Variants in COL22A1 observed in about 807,000 individuals in gnomAD.
COL22A1 encodes collagen alpha-1(XXII) chain.
A neutral mutation model predicts 248.9 loss-of-function variants in COL22A1; 221 were observed. That is an observed-to-expected ratio of 0.89 (90% confidence interval 0.80 to 0.99). The LOEUF (loss-of-function observed/expected upper bound fraction) is 0.99. Ranked by LOEUF, COL22A1 falls within the 50% of genes least tolerant of loss-of-function variation. COL22A1 has a pLI of 0.00. For missense variants in COL22A1, 2,240 were observed against 2,179.0 expected, an observed-to-expected ratio of 1.03 and a Z score of -0.56; for synonymous variants, 891 against 793.4, an observed-to-expected ratio of 1.12 and a Z score of -2.07.
chr8:138,664,217 A>G (rs866883475), intron 41 of COL22A1, among the ~76,000 whole-genome samples: 22,900 of 105,982 alleles, frequency 0.22, 2,755 homozygotes, highest in Non-Finnish European at 0.31. Flanking sequence ...GCGCACACAC[A>G]CACACACACA....
At chr8:138,805,244 G>A (rs1371567000) in intron 10 of COL22A1, among the ~76,000 whole-genome samples, 1 of 147,834 alleles carries the variant, frequency 6.8e-6, no homozygotes, top group African/African-American at 2.5e-5. Context: ...GTGTGTGATG[G>A]TGTCTGATGA....
intron 27 of COL22A1, among the ~76,000 whole-genome samples, chr8:138,718,387 G>T (rs564808995): frequency 6.6e-6 from 1 of 152,274 alleles, no homozygotes; most frequent in South Asian, 2.1e-4. Context: ...TGCTGAGAAA[G>T]GATAAGGGGC....
At chr8:138,711,823 G>A (rs1828992435) in intron 30 of COL22A1, among the ~76,000 whole-genome samples, 1 of 152,206 alleles carries the variant, frequency 6.6e-6, no homozygotes, top group African/African-American at 2.4e-5. Context: ...CCCTCTGGGT[G>A]TGTGGGTGCC....
intron 16 of COL22A1, among the ~76,000 whole-genome samples, chr8:138,775,204 G>T (rs371784079): frequency 6.6e-5 from 10 of 152,282 alleles, no homozygotes; most frequent in African/African-American, 2.4e-4. Context: ...AGATCGTAAG[G>T]AACTCAATGA....
intron 23 of COL22A1, among the ~76,000 whole-genome samples, chr8:138,726,498 C>CAAAAAAAAAAAAAAAAAAAAAA (rs371982028): frequency 2.1e-5 from 2 of 95,606 alleles, no homozygotes; most frequent in Admixed American, 1.2e-4. Flanking sequence ...CCTGTATCTA[C>CAAAAAAAAAAAAAAAAAAAAAA]AAAAAAAAAA....
rs536532774 is a variant in COL22A1, at chr8:138,741,852, G to A, written c.2086-4275C>T. Among the ~76,000 whole-genome samples, 446 of 152,300 alleles carry A rather than the reference G, an allele frequency of 2.9e-3. 4 individuals carry two copies. Among genetic ancestry groups the A allele is most frequent in the African/African-American group, 9.9e-3 (411 of 41,562 alleles). ...TGATGATAATAATGGTGGTGGTGGC[G>A]GTGATGGGGTCTTGTGGTGGCATTG... On this transcript the variant is annotated intron_variant, in intron 22 of 64. Coordinates refer to ENST00000303045, the MANE Select transcript of COL22A1 (RefSeq NM_152888.3).
intron 41 of COL22A1, 121 bp from the exon 42 acceptor site, chr8:138,663,861 C>A: frequency 1.3e-6 from 1 of 754,010 alleles, no homozygotes; most frequent in Admixed American, 1.9e-5. Flanking sequence ...TAACTTCCTC[C>A]CACCTTGAAG....
At chr8:138,657,213 C>T (rs1345190566) in intron 44 of COL22A1, among the ~76,000 whole-genome samples, 1 of 152,234 alleles carries the variant, frequency 6.6e-6, no homozygotes. Flanking sequence ...GCCAACACCT[C>T]CCCAGTTATC....
At chr8:138,619,117 A>C (rs1230651228) in intron 53 of COL22A1, among the ~76,000 whole-genome samples, 1 of 151,956 alleles carries the variant, frequency 6.6e-6, no homozygotes, top group African/African-American at 2.4e-5. Context: ...TATAGTTGGG[A>C]AAAAAAACCT....
chr8:138,672,354 G>A (rs1315611815), intron 41 of COL22A1, among the ~76,000 whole-genome samples: 4 of 152,188 alleles, frequency 2.6e-5, no homozygotes, highest in African/African-American at 4.8e-5. Context: ...TATGTTGGCT[G>A]TGGTTGCCAT....
At chr8:138,663,804 G>C (rs1587805645) in intron 41 of COL22A1, 64 bp from the exon 42 acceptor site, 2 of 1,293,042 alleles carry the variant, frequency 1.5e-6, no homozygotes, top group Non-Finnish European at 2.2e-6. Context: ...AACAAGCTAT[G>C]GTGTTTATTC....
At chr8:138,634,949 G>T in intron 49 of COL22A1, 61 bp downstream of exon 49, 2 of 1,099,290 alleles carry the variant, frequency 1.8e-6, no homozygotes, top group Non-Finnish European at 2.8e-6. Flanking sequence ...TGCCTGGTGA[G>T]TTGAGATGTG....
chr8:138,805,485 A>ATGTGATGGTGTG (rs557495589), intron 10 of COL22A1, among the ~76,000 whole-genome samples: 37,810 of 109,772 alleles, frequency 0.34, 6,358 homozygotes, highest in African/African-American at 0.48. Context: ...ATGGGATGGC[A>ATGTGATGGTGTG]TGTGATGGTG....
Position 138,877,994 on chromosome 8 carries a change from C to T in COL22A1, c.414G>A (p.Arg138=), listed in dbSNP as rs1823874631. The T allele has an allele frequency of 6.3e-7, 1 of 1,583,756 alleles. No homozygotes were observed. The change falls in exon 3 of 65, where the codon AGG becomes AGA. Residue 138 remains arginine (R), a synonymous_variant. Coordinates refer to ENST00000303045, the MANE Select transcript of COL22A1 (RefSeq NM_152888.3). ...TGGCCACCTGCTTGTAGGCGCGGTC[C>T]CTGGGGCGGCCGCCGGCGTGTGGGG... ...SFSPHAGGRP[R]DRAYKQVAIL...
intron 43 of COL22A1, among the ~76,000 whole-genome samples, chr8:138,660,818 ATACACACACATAC>A (rs1344200953): frequency 1.8e-5 from 1 of 55,512 alleles, no homozygotes; most frequent in Non-Finnish European, 5.3e-5. Flanking sequence ...ACATACACAC[ATACACACACATAC>A]ACACACAGAC....
At position 138,676,460 on chromosome 8, in the gene COL22A1, A is replaced by AG. The variant is rs1392518144; in HGVS notation, c.3150+97dup. ...AAGAAAGAAAGAAAGAAAGAAAGGA[A>AG]GAAAGAAAGAAAGAAAAGAGTGTTT... On this transcript the variant is annotated intron_variant, in intron 41 of 64. Transcript: ENST00000303045. 1.2e-4 allele frequency: 74 copies of AG among 614,476 alleles called. 1 individual carries two copies. In the East Asian group the frequency reaches 1.7e-3, roughly 14 times the overall value. 38.1% of individuals were successfully genotyped at this position (614,476 alleles called of 1,614,324 possible).
chr8:138,746,770 T>C (rs996179563), intron 22 of COL22A1, among the ~76,000 whole-genome samples: 3 of 152,198 alleles, frequency 2.0e-5, no homozygotes, highest in Non-Finnish European at 4.4e-5. Context: ...CTTCTGTCCT[T>C]ACCTCAGCAT....
chr8:138,630,311 G>A (rs1820597314), intron 50 of COL22A1, among the ~76,000 whole-genome samples: 1 of 152,074 alleles, frequency 6.6e-6, no homozygotes, highest in African/African-American at 2.4e-5. Flanking sequence ...ACATTCCCCT[G>A]GTGCACACCA....
In COL22A1 at chr8:138,780,960, G is replaced by GC. The variant is rs770560865; in HGVS notation, c.1616dup (p.Gly542TrpfsTer23). ...CTTTGCTGCCGTCTCTCCCAGGGGGGCCGGGCAGGCCCAGGGAACCCTAAA... is the reference window on the plus strand; with the variant it reads ...CTTTGCTGCCGTCTCTCCCAGGGGGGCCCGGGCAGGCCCAGGGAACCCTAAA... On this transcript the variant is annotated frameshift_variant, in exon 13 of 65. Transcript: ENST00000303045. LOFTEE classifies it high-confidence loss of function. 6.2e-7 allele frequency: 1 copy of GC among 1,608,168 alleles called. No individual in the cohort carries two copies. The highest frequency in any genetic ancestry group is 8.5e-7 in the Non-Finnish European group (1 of 1,178,224).
Sources: gnomAD v4.1 joint callset for allele counts (sites outside exome capture counted in the v4.1 genomes callset) on GRCh38, gnomAD v4.1.1 for gene constraint, MANE v1.5 for transcripts, NCBI Gene and HGNC (gene_info 2026-07-23, HGNC 2026-07-21) for gene names.